MCM5: variants seen among roughly 807,000 people sequenced by gnomAD.
MCM5 encodes the protein DNA replication licensing factor MCM5.
MCM5 carries 46 observed loss-of-function variants against 79.9 expected under a neutral mutation model. The observed-to-expected ratio is 0.58, with a 90% CI of 0.45 to 0.74. The LOEUF (loss-of-function observed/expected upper bound fraction) is 0.74. MCM5 is among the 30% of genes least tolerant of loss of function. The pLI, the probability that MCM5 is intolerant of heterozygous loss-of-function variation, is 0.00. For synonymous variants in MCM5, 404 were observed against 390.5 expected, an observed-to-expected ratio of 1.03 and a Z score of -0.41; for missense variants, 883 against 1,017.0, an observed-to-expected ratio of 0.87 and a Z score of 1.79.
intron 13 of MCM5, 73 bp from the exon 14 acceptor site, chr22:35,419,811 G>T: frequency 1.3e-6 from 2 of 1,492,378 alleles, no homozygotes; most frequent in Non-Finnish European, 1.8e-6. Flanking sequence ...AGCTGGCAGG[G>T]GGCTGGGGGA....
chr22:35,428,361 G>C (rs977117851), downstream of MCM5, among the ~76,000 whole-genome samples: 1 of 151,308 alleles, frequency 6.6e-6, no homozygotes, highest in Non-Finnish European at 1.5e-5. Flanking sequence ...GGTTCTCACT[G>C]TGTTGCCCAT....
At chr22:35,412,109 G>T (rs529078880) in intron 7 of MCM5, among the ~76,000 whole-genome samples, 1 of 152,240 alleles carries the variant, frequency 6.6e-6, no homozygotes, top group East Asian at 1.9e-4. Context: ...GCCCTCCCTG[G>T]ATCACCGTTG....
At chr22:35,400,400 A>G (rs752669824) in intron 1 of MCM5, 31 bp from the exon 2 acceptor site, 5 of 1,613,376 alleles carry the variant, frequency 3.1e-6, no homozygotes, top group Non-Finnish European at 3.4e-6. Context: ...CGCTGCCCCC[A>G]GCCTGTTCTG....
intron 6 of MCM5, 122 bp downstream of exon 6, chr22:35,408,685 T>C: frequency 3.9e-6 from 4 of 1,026,600 alleles, no homozygotes; most frequent in African/African-American, 1.6e-5. Context: ...AGGTGGCCAG[T>C]TGCAGAGCAC....
In MCM5 at chr22:35,401,751, A is replaced by G. The variant is rs1273220308; in HGVS notation, c.167+1146A>G. Reference sequence around the variant, plus strand: ...CTTGTCCTAGAGAAGCTCCTAAGTCAGAGGAGTGAGTCGTGAAGACCAACA... The same window carrying G: ...CTTGTCCTAGAGAAGCTCCTAAGTCGGAGGAGTGAGTCGTGAAGACCAACA... On this transcript the variant is annotated intron_variant, in intron 2 of 16. Transcript: ENST00000216122. The G allele has an allele frequency of 1.9e-4, 89 of 469,304 alleles. 1 individual carries two copies. The highest frequency in any genetic ancestry group is 4.4e-6 in the Non-Finnish European group (1 of 226,588). 29.1% of individuals were successfully genotyped at this position (469,304 alleles called of 1,614,324 possible). A position where few individuals can be genotyped will look rare whatever the true frequency, so the allele number is the denominator to read the frequency against.
At chr22:35,410,957 C>T in intron 7 of MCM5, 47 bp downstream of exon 7, 1 of 1,523,270 alleles carries the variant, frequency 6.6e-7, no homozygotes, top group Non-Finnish European at 8.8e-7. Context: ...AAAGGCTGTG[C>T]TTGCATACTT....
At chr22:35,407,322 A>G (rs1337239107) in intron 5 of MCM5, among the ~76,000 whole-genome samples, 2 of 151,950 alleles carry the variant, frequency 1.3e-5, no homozygotes, top group Non-Finnish European at 2.9e-5. Flanking sequence ...CATGCTGTTG[A>G]CATCTCTCAC....
rs370688996 is a variant in MCM5, at chr22:35,417,873, G to A, written c.1703+17G>A. ...CTGCCGAGTGTGAGTCCTGGACGCA[G>A]GCCCACGGGGGTGAGGTTGCCCAGC... On this transcript the variant is annotated intron_variant, in intron 13 of 16. Transcript: ENST00000216122. 2.4e-5 allele frequency: 38 copies of A among 1,591,358 alleles called. No homozygotes were observed. The highest frequency in any genetic ancestry group is 1.4e-4 in the South Asian group (13 of 90,580).
At chr22:35,435,179 C>G in the MCM5 span, among the ~76,000 whole-genome samples, 1 of 152,036 alleles carries the variant, frequency 6.6e-6, no homozygotes, top group African/African-American at 2.4e-5. Context: ...GAGGAGGAGG[C>G]TGGGAGGCAG....
rs1314499350 is a variant in MCM5, at chr22:35,412,687, G to T, written c.1091+6G>T. 2.1e-6 allele frequency: 3 copies of T among 1,456,292 alleles called. No individual in the cohort carries two copies. In the African/African-American group the frequency reaches 4.3e-5, roughly 21 times the overall value. 90.2% of individuals were successfully genotyped at this position (1,456,292 alleles called of 1,614,324 possible). A position where few individuals can be genotyped will look rare whatever the true frequency, so the allele number is the denominator to read the frequency against. Reference sequence around the variant, plus strand: ...TTTGGGGGCTCCCGAAAGAGGTAGGGGCTTGAGTTCCCTTGGGTTTGGGGA... The same window carrying T: ...TTTGGGGGCTCCCGAAAGAGGTAGGTGCTTGAGTTCCCTTGGGTTTGGGGA... On this transcript the variant is annotated splice_donor_region_variant and intron_variant, in intron 8 of 16. Coordinates refer to ENST00000216122, the MANE Select transcript of MCM5 (RefSeq NM_006739.4).
chr22:35,454,107 C>T, the MCM5 span, among the ~76,000 whole-genome samples: 5 of 152,054 alleles, frequency 3.3e-5, no homozygotes, highest in South Asian at 4.2e-4. Flanking sequence ...GAGAGAGAGA[C>T]GGCAGCATGT....
In MCM5 at chr22:35,400,178, C is replaced by T. The variant is rs919502307; in HGVS notation, c.-39C>T. On this transcript the variant is annotated 5_prime_UTR_variant, in exon 1 of 17. Coordinates refer to ENST00000216122, the MANE Select transcript of MCM5 (RefSeq NM_006739.4). ...CGGCTGAGCGTGGAGGTTCTTGTCT[C>T]CCCTGGTTTGTGAAGTGCGGAAAAC... is the stretch of plus-strand genomic sequence containing the variant. 3 of 499,142 alleles carry T rather than the reference C, an allele frequency of 6.0e-6. No homozygotes were observed. The highest frequency in any genetic ancestry group is 5.9e-5 in the African/African-American group (3 of 51,002). The allele number at this position is 499,142 out of a possible 1,614,324, so 30.9% of individuals were successfully genotyped here. A position where few individuals can be genotyped will look rare whatever the true frequency, so the allele number is the denominator to read the frequency against.
At position 35,424,231 on chromosome 22, in the gene MCM5, C is replaced by A. The variant is rs1434023499; in HGVS notation, c.2181C>A (p.Arg727=). The A allele has an allele frequency of 6.4e-7, 1 of 1,551,538 alleles. No individual in the cohort carries two copies. Among genetic ancestry groups the A allele is most frequent in the South Asian group, 1.2e-5 (1 of 83,830 alleles). Residue 727 remains arginine, a synonymous_variant, in exon 17 of 17, where the codon CGC becomes CGA. Coordinates refer to ENST00000216122, the MANE Select transcript of MCM5 (RefSeq NM_006739.4). The part of the protein sequence containing the change: ...RRGEIQHRMQ[R]KVLYRLK ...GCGAGATCCAGCATCGCATGCAGCG[C>A]AAGGTTCTCTACCGCCTCAAGTGAG... is the stretch of plus-strand genomic sequence containing the variant.
chr22:35,412,666 G>T lies in MCM5; in HGVS notation c.1076G>T (p.Gly359Val), dbSNP rs1932420295. 1 of 1,505,042 alleles carries T rather than the reference G, an allele frequency of 6.6e-7. No individual in the cohort carries two copies. Among genetic ancestry groups the T allele is most frequent in the Non-Finnish European group, 8.9e-7 (1 of 1,119,496 alleles). 93.2% of individuals were successfully genotyped at this position (1,505,042 alleles called of 1,614,324 possible). ...AAGGCCATTGCCTGCCTGCTCTTTG[G>T]GGGCTCCCGAAAGAGGTAGGGGCTT... Reference protein sequence around the residue: ...MKKAIACLLFGGSRKRLPDGL... With the variant: ...MKKAIACLLFVGSRKRLPDGL... Residue 359 changes from glycine to valine, a missense_variant, in exon 8 of 17, where the codon GGG becomes GTG. Gly to Val is a moderately radical substitution (Grantham distance 109). Coordinates refer to ENST00000216122, the MANE Select transcript of MCM5 (RefSeq NM_006739.4).
chr22:35,406,296 A>ACCCCCCC lies in MCM5; in HGVS notation c.424-255_424-254insCCCCCCC, dbSNP rs758388958. Among the ~76,000 whole-genome samples, 63 of 120,952 alleles carry ACCCCCCC rather than the reference A, an allele frequency of 5.2e-4. 7 individuals carry two copies. Among genetic ancestry groups the ACCCCCCC allele is most frequent in the African/African-American group, 6.8e-4 (21 of 30,914 alleles). The allele number at this position is 120,952 out of a possible 152,430, so 79.3% of individuals were successfully genotyped here. A position where few individuals can be genotyped will look rare whatever the true frequency, so the allele number is the denominator to read the frequency against. On this transcript the variant is annotated intron_variant, in intron 4 of 16. Coordinates refer to ENST00000216122, the MANE Select transcript of MCM5 (RefSeq NM_006739.4). ...TGCTTAGTGTATCTCTTGCCCTGCC[A>ACCCCCCC]CCTCCCCCCCCAATTGTGCTGCGAG...
the MCM5 span, among the ~76,000 whole-genome samples, chr22:35,436,892 G>C: frequency 4.1e-3 from 452 of 109,012 alleles, no homozygotes; most frequent in Non-Finnish European, 6.8e-3. Context: ...CTTTGCCAGG[G>C]GGAGAGTCAG....
At chr22:35,405,586 C>T (rs1428274205) in intron 4 of MCM5, among the ~76,000 whole-genome samples, 1 of 151,790 alleles carries the variant, frequency 6.6e-6, no homozygotes, top group South Asian at 2.1e-4. Context: ...AGGCTGGTCT[C>T]GAACTCCCGA....
At chr22:35,416,912 A>C (rs142676326) in intron 12 of MCM5, 98 bp downstream of exon 12, 2 of 1,389,192 alleles carry the variant, frequency 1.4e-6, no homozygotes, top group Admixed American at 3.6e-5. Flanking sequence ...CTTGGCTGGC[A>C]AAGTCCTGAC....
intron 11 of MCM5, 107 bp downstream of exon 11, chr22:35,416,511 C>CTGTGAATCTG (rs1932545144): frequency 1.0e-6 from 1 of 961,366 alleles, no homozygotes; most frequent in Non-Finnish European, 1.5e-6. Context: ...GGCCTAGAAT[C>CTGTGAATCTG]TGTGTGTGTG....
Sources: allele counts gnomAD v4.1 joint callset (sites outside exome capture counted in the v4.1 genomes callset), GRCh38; gene constraint gnomAD v4.1.1; transcripts MANE v1.5; gene names NCBI Gene and HGNC (gene_info 2026-07-23, HGNC 2026-07-21).